The following DIS3L2 variants were observed in gnomAD, a reference collection of about 807,000 sequenced individuals.
DIS3L2 encodes the protein DIS3-like exonuclease 2.
A neutral mutation model predicts 97.5 loss-of-function variants in DIS3L2; 34 were observed. The observed-to-expected ratio is 0.35, with a 90% confidence interval of 0.27 to 0.46. The LOEUF (loss-of-function observed/expected upper bound fraction) is 0.46. DIS3L2 is among the 20% of genes least tolerant of loss of function. The pLI, the probability that DIS3L2 is intolerant of heterozygous loss-of-function variation, is 1.00. For missense variants in DIS3L2, 1,038 were observed against 1,146.0 expected, an observed-to-expected ratio of 0.91 and a Z score of 1.36; for synonymous variants, 435 against 445.2, an observed-to-expected ratio of 0.98 and a Z score of 0.29.
intron 13 of DIS3L2, among the ~76,000 whole-genome samples, chr2:232,278,952 T>A (rs753247950): frequency 2.6e-5 from 4 of 152,228 alleles, no homozygotes; most frequent in Admixed American, 1.3e-4. Context: ...TGTTTTTGTT[T>A]TTGAGATGGA....
At chr2:232,337,771 A>G (rs1422839654), downstream of DIS3L2, among the ~76,000 whole-genome samples, 9 of 151,570 alleles carry the variant, frequency 5.9e-5, no homozygotes, top group Admixed American at 4.6e-4. Flanking sequence ...TCAAAGAAAC[A>G]CTCAATAGGG....
At chr2:232,191,260 T>C (rs973064568) in intron 9 of DIS3L2, among the ~76,000 whole-genome samples, 2 of 152,164 alleles carry the variant, frequency 1.3e-5, no homozygotes, top group African/African-American at 4.8e-5. Flanking sequence ...GTGGGCGACA[T>C]ACACATTTTT....
chr2:232,334,119 A>AG, intron 17 of DIS3L2, 132 bp downstream of exon 17: 1 of 1,403,102 alleles, frequency 7.1e-7, no homozygotes, highest in Non-Finnish European at 9.4e-7. Context: ...ACCCAAGTGC[A>AG]GGGGAGCCTG....
chr2:232,267,611 G>T (rs1207703422), intron 13 of DIS3L2, among the ~76,000 whole-genome samples: 1 of 152,218 alleles, frequency 6.6e-6, no homozygotes, highest in Non-Finnish European at 1.5e-5. Context: ...TATGTTTGTA[G>T]TAAAAGGAAT....
intron 9 of DIS3L2, among the ~76,000 whole-genome samples, chr2:232,177,350 A>G (rs1691198402): frequency 7.2e-6 from 1 of 139,472 alleles, no homozygotes; most frequent in South Asian, 2.5e-4. Flanking sequence ...GTCAAATGGT[A>G]TTTCTAGTTC....
rs1448139449 is a variant in DIS3L2, at chr2:232,083,484, T to C, written c.367-4003T>C. Among the ~76,000 whole-genome samples, 6 of 151,112 alleles carry C rather than the reference T, an allele frequency of 4.0e-5. No homozygotes were observed. In the East Asian group the frequency reaches 1.2e-3, roughly 29 times the overall value. On this transcript the variant is annotated intron_variant, in intron 5 of 20. Coordinates refer to ENST00000325385, the MANE Select transcript of DIS3L2 (RefSeq NM_152383.5). The stretch of plus-strand genomic sequence containing the variant: ...CTAAAGGCCTGAGCTCTTTGCATAA[T>C]GTCTTCTTCTTCTTTTTTTTTTTTT...
At chr2:232,218,933 T>C (rs1196996597) in intron 10 of DIS3L2, among the ~76,000 whole-genome samples, 1 of 152,152 alleles carries the variant, frequency 6.6e-6, no homozygotes, top group Non-Finnish European at 1.5e-5. Context: ...CAGCCTCCTC[T>C]CCTGCCACCC....
At chr2:232,129,478 TAGAG>T (rs751044537) in intron 6 of DIS3L2, among the ~76,000 whole-genome samples, 7 of 152,334 alleles carry the variant, frequency 4.6e-5, no homozygotes, top group South Asian at 4.1e-4. Context: ...CTTTCACTGA[TAGAG>T]AGGGCAATCT....
chr2:232,249,200 T>C (rs751747539), intron 11 of DIS3L2, 39 bp from the exon 12 acceptor site: 1 of 1,605,310 alleles, frequency 6.2e-7, no homozygotes, highest in East Asian at 2.2e-5. Flanking sequence ...CCTAAGCGGG[T>C]TGGAGAAAGG....
chr2:232,333,762 G>GTAC, intron 16 of DIS3L2, 78 bp from the exon 17 acceptor site: 24 of 1,452,692 alleles, frequency 1.7e-5, no homozygotes, highest in Admixed American at 1.6e-4. Flanking sequence ...CGACGGTGAG[G>GTAC]CTGTGGGTGG....
chr2:232,261,921 T>C (rs1250882201), intron 12 of DIS3L2, among the ~76,000 whole-genome samples: 1 of 152,194 alleles, frequency 6.6e-6, no homozygotes, highest in African/African-American at 2.4e-5. Context: ...GATAGCAAAA[T>C]TCCTACCTCA....
intron 8 of DIS3L2, among the ~76,000 whole-genome samples, chr2:232,160,722 C>G (rs1156592308): frequency 6.6e-6 from 1 of 151,874 alleles, no homozygotes; most frequent in Non-Finnish European, 1.5e-5. Context: ...ACAAAAAATA[C>G]AAAAATTAGA....
intron 13 of DIS3L2, among the ~76,000 whole-genome samples, chr2:232,296,893 G>A (rs187702730): frequency 4.6e-5 from 7 of 152,266 alleles, no homozygotes; most frequent in African/African-American, 1.7e-4. Context: ...CACCTCTGCT[G>A]ACTTGCCTTA....
chr2:232,016,073 G>C, intron 3 of DIS3L2: 1 of 157,468 alleles, frequency 6.4e-6, no homozygotes, highest in East Asian at 1.8e-4. Flanking sequence ...TGAGAAATTG[G>C]GTTTGGATAT....
rs530231542 is a variant in DIS3L2 at position 232,077,846 on chromosome 2, C to G, written c.367-9641C>G. On this transcript the variant is annotated intron_variant, in intron 5 of 20. Coordinates refer to ENST00000325385, the MANE Select transcript of DIS3L2 (RefSeq NM_152383.5). ...AGGGCCCCTTTTTTCACGCTGAGCC[C>G]AGAGTTCTCCAAAATATTGGCCAGC... Among the ~76,000 whole-genome samples, 87 of 152,280 alleles carry G rather than the reference C, an allele frequency of 5.7e-4. 3 individuals carry two copies. In the South Asian group the frequency reaches 0.017, roughly 30 times the overall value.
chr2:231,987,347 T>C (rs942865214), intron 1 of DIS3L2, among the ~76,000 whole-genome samples: 4 of 152,248 alleles, frequency 2.6e-5, no homozygotes, highest in African/African-American at 9.6e-5. Flanking sequence ...ATGAAATACA[T>C]GTGTATGGGT....
At chr2:232,326,706 T>C (rs11900773) in intron 14 of DIS3L2, among the ~76,000 whole-genome samples, 1 of 147,014 alleles carries the variant, frequency 6.8e-6, no homozygotes, top group Non-Finnish European at 1.5e-5. Context: ...GCCTAACTAG[T>C]TGGGCCAGAG....
At chr2:232,120,395 G>A (rs535994203) in intron 6 of DIS3L2, among the ~76,000 whole-genome samples, 4 of 152,234 alleles carry the variant, frequency 2.6e-5, no homozygotes, top group African/African-American at 7.2e-5. Context: ...GTATGTGTGA[G>A]CCTTTAGAGA....
intron 12 of DIS3L2, 118 bp downstream of exon 12, chr2:232,249,464 T>C: frequency 9.3e-7 from 1 of 1,074,472 alleles, no homozygotes; most frequent in Non-Finnish European, 1.4e-6. Flanking sequence ...AAGGGAGGTA[T>C]GGAGTAGCCA....
Sources: allele counts gnomAD v4.1 joint callset (sites outside exome capture counted in the v4.1 genomes callset), GRCh38; gene constraint gnomAD v4.1.1; transcripts MANE v1.5; gene names NCBI Gene and HGNC (gene_info 2026-07-23, HGNC 2026-07-21).